Variants in NBEA observed in about 807,000 individuals in gnomAD.
NBEA encodes the protein lysosomal-trafficking regulator 2.
A neutral mutation model predicts 343.4 loss-of-function variants in NBEA; 44 were observed. The observed-to-expected ratio is 0.13, with a 90% CI of 0.10 to 0.16. The LOEUF is 0.16. Among genes scored for constraint, NBEA ranks in the 10% least tolerant of loss-of-function variants. The pLI is 1.00. For synonymous variants in NBEA, 1,175 were observed against 1,238.7 expected (o/e 0.95, Z 1.08); for missense variants, 2,555 against 3,631.3 (o/e 0.70, Z 7.62).
At position 35,505,514 on chromosome 13, in the gene NBEA, T is replaced by A. The variant is rs547449681; in HGVS notation, c.6585+32978T>A. ...ATTTCTCCTTCAACTCTTCATTTTT[T>A]CATGTAATGAGCGTAAATACGGACT... On this transcript the variant is annotated intron_variant, in intron 41 of 58. Coordinates refer to ENST00000379939, the MANE Select transcript of NBEA (RefSeq NM_001385012.1). 2.0e-5 allele frequency among the ~76,000 whole-genome samples: 3 copies of A among 152,348 alleles called. No individual in the cohort carries two copies. In the South Asian group the frequency reaches 6.2e-4, roughly 32 times the overall value.
intron 40 of NBEA, among the ~76,000 whole-genome samples, chr13:35,469,916 T>G (rs897934958): frequency 6.6e-6 from 1 of 152,214 alleles, no homozygotes. Flanking sequence ...ATGTAAACAT[T>G]TTAATATCGG....
intron 38 of NBEA, among the ~76,000 whole-genome samples, chr13:35,358,479 G>A (rs1422550865): frequency 6.6e-6 from 1 of 152,044 alleles, no homozygotes; most frequent in East Asian, 1.9e-4. Flanking sequence ...CACTTTGGGA[G>A]GCTGAGGTGG....
chr13:35,643,753 G>A (rs2084081731), intron 49 of NBEA, among the ~76,000 whole-genome samples: 1 of 152,208 alleles, frequency 6.6e-6, no homozygotes, highest in African/African-American at 2.4e-5. Flanking sequence ...CCCAAGGTTA[G>A]CATTCGGGGA....
rs955550624 is a variant in NBEA at position 35,472,432 on chromosome 13, A to G, written c.6481A>G (p.Ile2161Val). 6 of 1,612,942 alleles carry G rather than the reference A, an allele frequency of 3.7e-6. No individual in the cohort carries two copies. The highest frequency in any genetic ancestry group is 1.7e-5 in the Admixed American group (1 of 60,006). The change falls in exon 41 of 59, where the codon ATC (isoleucine) becomes GTC (valine). Residue 2161 changes from isoleucine (I) to valine (V), a missense_variant. Ile to Val is a conservative substitution (Grantham distance 29, BLOSUM62 3). Coordinates refer to ENST00000379939, the MANE Select transcript of NBEA (RefSeq NM_001385012.1). ...GGTTCTCAGCACCCCTGCCCAGCTC[A>G]TCGCTCCCGTGGTGGTGGCCAAGGG... is the stretch of plus-strand genomic sequence containing the variant. ...PVVLSTPAQL[I>V]APVVVAKGTL...
At chr13:35,535,611 C>T (rs1021766215) in intron 41 of NBEA, among the ~76,000 whole-genome samples, 1 of 152,114 alleles carries the variant, frequency 6.6e-6, no homozygotes, top group African/African-American at 2.4e-5. Flanking sequence ...TTTCTGCTAA[C>T]CTCCCCACTT....
rs760450716 is a variant in NBEA at position 35,566,996 on chromosome 13, A to G, written c.7014A>G (p.Gly2338=). 6.2e-6 allele frequency: 10 copies of G among 1,608,394 alleles called. No homozygotes were observed. The South Asian group carries it at 9.9e-5, about 16-fold the overall frequency. Residue 2338 remains glycine (G), a synonymous_variant, in exon 45 of 59, where the codon GGA becomes GGG. Transcript: ENST00000379939. ...ESEELDLTLP[G]NFRDLSKPIG... Reference sequence around the variant, plus strand: ...AAGAGTTGGACCTGACTCTTCCAGGAAACTTCAGGGATCTATCAAAGGTAA... The same window carrying G: ...AAGAGTTGGACCTGACTCTTCCAGGGAACTTCAGGGATCTATCAAAGGTAA...
intron 30 of NBEA, among the ~76,000 whole-genome samples, chr13:35,194,236 T>A (rs2072415761): frequency 6.6e-6 from 1 of 152,054 alleles, no homozygotes; most frequent in Non-Finnish European, 1.5e-5. Flanking sequence ...TTTTAGTATG[T>A]GTGTACAAAA....
At chr13:35,081,134 A>G (rs1011349173) in intron 10 of NBEA, among the ~76,000 whole-genome samples, 3 of 152,276 alleles carry the variant, frequency 2.0e-5, no homozygotes, top group East Asian at 1.9e-4. Context: ...GGGAAGTTTC[A>G]TGTGCCTCAC....
rs144228917 is a variant in NBEA at position 35,375,984 on chromosome 13, A to G, written c.6179+23661A>G. ...AAGTATTTATGAGGGGAAATTGTCT[A>G]GGATACAGTTGTCAGGGACTAATTG... On this transcript the variant is annotated intron_variant, in intron 38 of 58. Coordinates refer to ENST00000379939, the MANE Select transcript of NBEA (RefSeq NM_001385012.1). Among the ~76,000 whole-genome samples, 817 of 152,242 alleles carry G rather than the reference A, an allele frequency of 5.4e-3. 6 individuals carry two copies. The highest frequency in any genetic ancestry group is 0.014 in the Middle Eastern group (4 of 294).
Position 35,350,252 on chromosome 13 carries a change from A to G in NBEA, c.6012+1036A>G, listed in dbSNP as rs542541191. 7.2e-5 allele frequency among the ~76,000 whole-genome samples: 11 copies of G among 152,284 alleles called. No individual in the cohort carries two copies. The South Asian group carries it at 2.1e-3, about 29-fold the overall frequency. On this transcript the variant is annotated intron_variant, in intron 37 of 58. Transcript: ENST00000379939. ...AAAATAGATTTTCAAGTGGCTAGAT[A>G]TTAGTTATGAGCTTTAACATGTTTA...
intron 39 of NBEA, among the ~76,000 whole-genome samples, chr13:35,447,199 G>A (rs527529663): frequency 3.9e-5 from 6 of 152,034 alleles, no homozygotes; most frequent in East Asian, 3.9e-4. Flanking sequence ...CTTTGATGTC[G>A]TTAGGAGGAG....
chr13:35,531,173 CT>C (rs2078244611), intron 41 of NBEA, among the ~76,000 whole-genome samples: 1 of 151,852 alleles, frequency 6.6e-6, no homozygotes, highest in South Asian at 2.1e-4. Flanking sequence ...CAAATTCAAA[CT>C]TTTAGAACTG....
chr13:35,228,072 ACATTATTTTTCC>A (rs1386109479), intron 33 of NBEA, among the ~76,000 whole-genome samples: 1 of 151,974 alleles, frequency 6.6e-6, no homozygotes, highest in Non-Finnish European at 1.5e-5. Flanking sequence ...GGGTTTTCAT[ACATTATTTTTCC>A]CATGGATTAA....
At chr13:35,636,467 G>A (rs2083695606) in intron 49 of NBEA, among the ~76,000 whole-genome samples, 2 of 152,016 alleles carry the variant, frequency 1.3e-5, no homozygotes, top group Non-Finnish European at 2.9e-5. Context: ...ACCAGCACCT[G>A]GTAAACCTGT....
chr13:35,223,420 C>T (rs1213645414), intron 33 of NBEA, among the ~76,000 whole-genome samples: 2 of 152,072 alleles, frequency 1.3e-5, no homozygotes, highest in African/African-American at 4.8e-5. Flanking sequence ...AAATTGTGGA[C>T]TTATGTAATT....
chr13:35,466,980 A>AT (rs2075411573), intron 40 of NBEA, among the ~76,000 whole-genome samples: 1 of 151,992 alleles, frequency 6.6e-6, no homozygotes, highest in Non-Finnish European at 1.5e-5. Context: ...TTTTTACAGT[A>AT]TTTTTTCTAG....
At chr13:35,236,354 A>T (rs2075228874) in intron 34 of NBEA, among the ~76,000 whole-genome samples, 2 of 152,232 alleles carry the variant, frequency 1.3e-5, no homozygotes, top group Admixed American at 6.5e-5. Context: ...AAGAAGTTAC[A>T]TACTATCACA....
chr13:35,287,973 C>A (rs745676470), intron 34 of NBEA, among the ~76,000 whole-genome samples: 1 of 151,714 alleles, frequency 6.6e-6, no homozygotes, highest in African/African-American at 2.4e-5. Flanking sequence ...TTTATGTAAT[C>A]TTAATTTGAA....
intron 41 of NBEA, among the ~76,000 whole-genome samples, chr13:35,482,624 T>TAA (rs1321919310): frequency 7.0e-6 from 1 of 143,770 alleles, no homozygotes. Context: ...TGTTCCTGAT[T>TAA]AAAAAAAAAA....
Sources: allele counts gnomAD v4.1 joint callset (sites outside exome capture counted in the v4.1 genomes callset), GRCh38; gene constraint gnomAD v4.1.1; transcripts MANE v1.5; gene names NCBI Gene and HGNC (gene_info 2026-07-23, HGNC 2026-07-21).